Variants in ERMP1 observed in about 807,000 individuals in gnomAD.
ERMP1 encodes the protein Felix-ina.
A neutral mutation model predicts 92.0 loss-of-function variants in ERMP1; 86 were observed. The observed-to-expected ratio is 0.93, with a 90% confidence interval of 0.79 to 1.12. The LOEUF (loss-of-function observed/expected upper bound fraction) is 1.12, where lower values mean the gene tolerates loss of function less well. ERMP1 is among the 50% of genes most tolerant of loss of function. The pLI is 0.00. For missense variants in ERMP1, 1,342 were observed against 1,116.3 expected, an observed-to-expected ratio of 1.20 and a Z score of -2.88; for synonymous variants, 530 against 412.8, an observed-to-expected ratio of 1.28 and a Z score of -3.44.
intron 7 of ERMP1, 44 bp downstream of exon 7, chr9:5,811,067 C>A (rs371981754): frequency 2.2e-6 from 3 of 1,372,330 alleles, no homozygotes; most frequent in African/African-American, 2.9e-5. Flanking sequence ...CAAGCACATT[C>A]TACAGCAATG....
chr9:5,837,611 C>T (rs1460417009), upstream of ERMP1, among the ~76,000 whole-genome samples: 4 of 152,048 alleles, frequency 2.6e-5, no homozygotes, highest in South Asian at 8.3e-4. Context: ...TTTCAAAAAA[C>T]GTTTTTCAAA....
chr9:5,840,968 A>G (rs568289455), intron 6 of ERMP1, among the ~76,000 whole-genome samples: 1 of 152,378 alleles, frequency 6.6e-6, no homozygotes, highest in Non-Finnish European at 1.5e-5. Flanking sequence ...AACTTGTCAC[A>G]TGAGCCTGAG....
intron 6 of ERMP1, 108 bp downstream of exon 6, chr9:5,812,017 T>C (rs562843517): frequency 4.4e-5 from 30 of 687,280 alleles, no homozygotes; most frequent in Admixed American, 3.9e-4. Context: ...CTCATTCACA[T>C]TGCATACTGC....
At chr9:5,808,365 T>C (rs992364111) in intron 8 of ERMP1, among the ~76,000 whole-genome samples, 2 of 152,240 alleles carry the variant, frequency 1.3e-5, no homozygotes, top group Non-Finnish European at 2.9e-5. Flanking sequence ...GCATGTGAAA[T>C]TGAGCCCCAC....
chr9:5,839,219 A>T (rs577141978), intron 6 of ERMP1, among the ~76,000 whole-genome samples: 22 of 152,244 alleles, frequency 1.4e-4, no homozygotes, highest in Non-Finnish European at 2.8e-4. Context: ...ATTAAAAAAA[A>T]CTGAGAGAAT....
intron 5 of ERMP1, among the ~76,000 whole-genome samples, chr9:5,865,233 G>A (rs186896367): frequency 3.3e-5 from 5 of 152,292 alleles, no homozygotes; most frequent in South Asian, 2.1e-4. Flanking sequence ...TAGGCTGGGC[G>A]CAGTGGCTTA....
chr9:5,809,229 C>T (rs886799395), intron 8 of ERMP1, among the ~76,000 whole-genome samples: 1 of 151,776 alleles, frequency 6.6e-6, no homozygotes, highest in South Asian at 2.1e-4. Context: ...ACCGTGTTAG[C>T]CAGGATGGTC....
chr9:5,807,838 A>G (rs1828926689), intron 8 of ERMP1, among the ~76,000 whole-genome samples: 1 of 152,060 alleles, frequency 6.6e-6, no homozygotes. Context: ...CGCCTCCCCT[A>G]TATTCTTACA....
intron 4 of ERMP1, among the ~76,000 whole-genome samples, chr9:5,817,442 G>A (rs965214435): frequency 2.0e-4 from 31 of 152,154 alleles, no homozygotes; most frequent in African/African-American, 6.5e-4. Context: ...CGCCCGCCTT[G>A]GCCTCCCAAA....
intron 6 of ERMP1, among the ~76,000 whole-genome samples, chr9:5,843,048 T>C (rs905981331): frequency 6.6e-6 from 1 of 152,244 alleles, no homozygotes; most frequent in African/African-American, 2.4e-5. Context: ...AGACTTGTTA[T>C]TCAAAAGTGC....
chr9:5,821,470 TAA>T (rs1829533471), intron 4 of ERMP1, among the ~76,000 whole-genome samples: 2 of 152,136 alleles, frequency 1.3e-5, no homozygotes, highest in Admixed American at 1.3e-4. Flanking sequence ...ATGCATTTAA[TAA>T]AAAGAGTAAG....
At position 5,785,692 on chromosome 9, in the gene ERMP1, C is replaced by G. The variant is rs772751795; in HGVS notation, c.*1452G>C. The G allele has an allele frequency of 6.5e-5, 10 of 152,682 alleles. No homozygotes were observed. Among genetic ancestry groups the G allele is most frequent in the Non-Finnish European group, 1.5e-4 (10 of 68,004 alleles). 9.5% of individuals were successfully genotyped at this position (152,682 alleles called of 1,614,324 possible). On this transcript the variant is annotated 3_prime_UTR_variant, in exon 15 of 15. Coordinates refer to ENST00000339450, the MANE Select transcript of ERMP1 (RefSeq NM_024896.3). ...TCCGGCAATGCATACTTACTGTGCT[C>G]TTTCTATTCAGACAGATCCACAGAC...
chr9:5,832,463 C>T, intron 1 of ERMP1: 2 of 462,858 alleles, frequency 4.3e-6, no homozygotes, highest in Non-Finnish European at 7.6e-6. Context: ...CCTGGCAACC[C>T]CAATCTGCAC....
At chr9:5,787,337 G>C in intron 14 of ERMP1, 29 bp from the exon 15 acceptor site, 1 of 1,606,532 alleles carries the variant, frequency 6.2e-7, no homozygotes, top group Non-Finnish European at 8.5e-7. Context: ...TAGTTCTCCA[G>C]TTCTCAGAAG....
intron 1 of ERMP1, among the ~76,000 whole-genome samples, chr9:5,831,329 G>A (rs1175531863): frequency 1.3e-5 from 2 of 152,210 alleles, no homozygotes; most frequent in African/African-American, 4.8e-5. Flanking sequence ...CCACTGGCCA[G>A]GCACGGTGGC....
chr9:5,861,597 C>T (rs1360736525), intron 5 of ERMP1, among the ~76,000 whole-genome samples: 1 of 152,016 alleles, frequency 6.6e-6, no homozygotes, highest in Admixed American at 6.6e-5. Flanking sequence ...AAGACAGGGC[C>T]TCTGGAAACC....
intron 6 of ERMP1, among the ~76,000 whole-genome samples, chr9:5,843,995 G>A (rs534155543): frequency 3.9e-5 from 6 of 152,194 alleles, no homozygotes; most frequent in East Asian, 1.9e-4. Context: ...GGCCAATACC[G>A]GCACAGACTT....
At chr9:5,840,826 A>G (rs898609026) in intron 6 of ERMP1, among the ~76,000 whole-genome samples, 13 of 152,202 alleles carry the variant, frequency 8.5e-5, no homozygotes, top group African/African-American at 2.9e-4. Flanking sequence ...CATGGCATTA[A>G]AACCTTCATT....
intron 5 of ERMP1, 41 bp downstream of exon 5, chr9:5,812,846 TAA>T: frequency 6.2e-7 from 1 of 1,611,682 alleles, no homozygotes; most frequent in East Asian, 2.2e-5. Flanking sequence ...TTGCTTTTGA[TAA>T]ATAAATGCTG....
Sources: allele counts gnomAD v4.1 joint callset (sites outside exome capture counted in the v4.1 genomes callset), GRCh38; gene constraint gnomAD v4.1.1; transcripts MANE v1.5; gene names NCBI Gene and HGNC (gene_info 2026-07-23, HGNC 2026-07-21).